Variants in EMCN observed in about 807,000 individuals in gnomAD.
EMCN encodes MUC-14.
Under a neutral mutation model 38.4 loss-of-function variants are expected in EMCN, and 37 were observed. The observed-to-expected ratio is 0.96, with a 90% CI of 0.74 to 1.27. The LOEUF (loss-of-function observed/expected upper bound fraction) is 1.27, where lower values mean the gene tolerates loss of function less well. EMCN is among the 50% of genes most tolerant of loss of function. The pLI is 0.00. For missense variants in EMCN, 318 were observed against 302.8 expected (o/e 1.05, Z -0.37); for synonymous variants, 95 against 100.8 (o/e 0.94, Z 0.35).
chr4:100,469,479 A>ATTATTCCAGCTTC (rs767819648), intron 3 of EMCN, among the ~76,000 whole-genome samples: 3 of 122,478 alleles, frequency 2.4e-5, no homozygotes, highest in Admixed American at 7.4e-5. Context: ...CAATTAGCAA[A>ATTATTCCAGCTTC]ATGAAAAAGC....
At chr4:100,449,996 G>A (rs1409482128) in intron 4 of EMCN, among the ~76,000 whole-genome samples, 1 of 151,814 alleles carries the variant, frequency 6.6e-6, no homozygotes, top group Non-Finnish European at 1.5e-5. Context: ...TCAGTTCTGT[G>A]GAAACAAAAG....
At chr4:100,398,717 A>G (rs1430667974) in intron 11 of EMCN, among the ~76,000 whole-genome samples, 10 of 151,944 alleles carry the variant, frequency 6.6e-5, no homozygotes, top group Non-Finnish European at 1.0e-4. Context: ...CCAATCAATC[A>G]CCACATCATG....
In EMCN at chr4:100,410,312, C is replaced by T. The variant is rs764653890; in HGVS notation, c.*9G>A. 3.1e-6 allele frequency: 5 copies of T among 1,613,402 alleles called. No individual in the cohort carries two copies. The Admixed American group carries it at 5.0e-5, about 16-fold the overall frequency. On this transcript the variant is annotated 3_prime_UTR_variant, in exon 11 of 12. Coordinates refer to ENST00000296420, the MANE Select transcript of EMCN (RefSeq NM_016242.4). ...TATTGCCTAGGTGTGGAGAGAATTC[C>T]TCAAGCTGTCAGTTCTTGGTTTTTC...
At chr4:100,508,407 A>G (rs1729539699) in intron 1 of EMCN, among the ~76,000 whole-genome samples, 1 of 152,190 alleles carries the variant, frequency 6.6e-6, no homozygotes, top group South Asian at 2.1e-4. Context: ...TCTTTTATGT[A>G]ATATTCTAAT....
intron 11 of EMCN, among the ~76,000 whole-genome samples, chr4:100,400,487 T>C (rs574036623): frequency 6.6e-6 from 1 of 152,136 alleles, no homozygotes; most frequent in South Asian, 2.1e-4. Flanking sequence ...ATTTACCATA[T>C]TATACTAAAA....
intron 11 of EMCN, among the ~76,000 whole-genome samples, chr4:100,402,465 T>C (rs1381924776): frequency 1.3e-5 from 2 of 152,282 alleles, no homozygotes; most frequent in East Asian, 3.9e-4. Flanking sequence ...TAATTTCAAG[T>C]TGACAACCTA....
At chr4:100,449,023 T>TA (rs1280340499) in intron 4 of EMCN, among the ~76,000 whole-genome samples, 1 of 152,006 alleles carries the variant, frequency 6.6e-6, no homozygotes, top group African/African-American at 2.4e-5. Flanking sequence ...CTTTTGTCTT[T>TA]AAAAAATTAT....
At chr4:100,461,016 C>A (rs1160383801) in intron 4 of EMCN, among the ~76,000 whole-genome samples, 1 of 152,202 alleles carries the variant, frequency 6.6e-6, no homozygotes, top group Non-Finnish European at 1.5e-5. Flanking sequence ...AATTCACTGT[C>A]CTTACCATGG....
intron 4 of EMCN, among the ~76,000 whole-genome samples, chr4:100,462,666 C>T (rs1028720324): frequency 6.6e-6 from 1 of 151,982 alleles, no homozygotes; most frequent in Admixed American, 6.6e-5. Flanking sequence ...ATATATATTA[C>T]TTACAAAATA....
intron 11 of EMCN, among the ~76,000 whole-genome samples, chr4:100,403,199 A>G (rs1221088230): frequency 1.3e-5 from 2 of 152,056 alleles, no homozygotes; most frequent in African/African-American, 4.8e-5. Context: ...ATAATACCAA[A>G]TAGGTAGTGT....
At chr4:100,451,389 G>A (rs1306328723) in intron 4 of EMCN, among the ~76,000 whole-genome samples, 3 of 151,550 alleles carry the variant, frequency 2.0e-5, no homozygotes, top group Admixed American at 2.0e-4. Context: ...AGAGGTAGGA[G>A]GAGGAAAGAA....
intron 10 of EMCN, among the ~76,000 whole-genome samples, chr4:100,414,886 C>T (rs1158881320): frequency 6.6e-6 from 1 of 151,896 alleles, no homozygotes; most frequent in Non-Finnish European, 1.5e-5. Context: ...AAATTAGACC[C>T]ACATGGTTTT....
chr4:100,473,365 G>GTTTTTTCTTTTTTTTTTTTTTT (rs1728534057), intron 3 of EMCN, among the ~76,000 whole-genome samples: 1 of 29,840 alleles, frequency 3.4e-5, no homozygotes. Context: ...CCCGTTTCGT[G>GTTTTTTCTTTTTTTTTTTTTTT]TTTTTTTGTT....
intron 10 of EMCN, among the ~76,000 whole-genome samples, chr4:100,413,544 T>A (rs1726625578): frequency 6.6e-6 from 1 of 152,180 alleles, no homozygotes; most frequent in Admixed American, 6.6e-5. Context: ...TTGCTAGTGT[T>A]TGGGGAGCCA....
At chr4:100,436,098 A>T (rs761633965) in intron 5 of EMCN, among the ~76,000 whole-genome samples, 40 of 152,184 alleles carry the variant, frequency 2.6e-4, no homozygotes, top group Admixed American at 2.0e-4. Context: ...GACAAAATAC[A>T]GAATAGGAAA....
At chr4:100,417,496 A>C (rs1726768148) in intron 8 of EMCN, among the ~76,000 whole-genome samples, 1 of 152,120 alleles carries the variant, frequency 6.6e-6, no homozygotes, top group Non-Finnish European at 1.5e-5. Flanking sequence ...AATTCTATTA[A>C]AAGTATTGAA....
At chr4:100,469,540 T>C (rs1264026011) in intron 3 of EMCN, among the ~76,000 whole-genome samples, 1 of 114,124 alleles carries the variant, frequency 8.8e-6, no homozygotes, top group East Asian at 2.0e-4. Context: ...TGATAAGGAG[T>C]TAATAGTCAA....
chr4:100,491,245 A>G (rs550252971), intron 1 of EMCN, among the ~76,000 whole-genome samples: 25 of 152,268 alleles, frequency 1.6e-4, no homozygotes, highest in Admixed American at 1.6e-3. Context: ...TAATGTCTCT[A>G]TTCTGTTCCA....
chr4:100,468,153 G>A lies in EMCN; in HGVS notation c.260-2614C>T, dbSNP rs181308266. Among the ~76,000 whole-genome samples, 572 of 152,282 alleles carry A rather than the reference G, an allele frequency of 3.8e-3. 3 individuals carry two copies. Among genetic ancestry groups the A allele is most frequent in the Middle Eastern group, 0.02 (6 of 294 alleles). On this transcript the variant is annotated intron_variant, in intron 3 of 11. Transcript: ENST00000296420. ...TGGAAAAAATAAGAATTTAACACAAGAGATGCTTGAGGGAGTCGTATCAGT... is the reference window on the plus strand; with the variant it reads ...TGGAAAAAATAAGAATTTAACACAAAAGATGCTTGAGGGAGTCGTATCAGT...
Sources: gnomAD v4.1 joint callset for allele counts (sites outside exome capture counted in the v4.1 genomes callset) on GRCh38, gnomAD v4.1.1 for gene constraint, MANE v1.5 for transcripts, NCBI Gene and HGNC (gene_info 2026-07-23, HGNC 2026-07-21) for gene names.